CNGB3: variants seen among roughly 807,000 people sequenced by gnomAD.
CNGB3 encodes the protein cyclic nucleotide gated channel subunit beta 3.
CNGB3 carries 86 observed loss-of-function variants against 92.8 expected under a neutral mutation model. The observed-to-expected ratio is 0.93, with a 90% CI of 0.78 to 1.11. The LOEUF (loss-of-function observed/expected upper bound fraction) is 1.11, where lower values mean the gene tolerates loss of function less well. Among genes scored for constraint, CNGB3 ranks in the 50% least tolerant of loss-of-function variants. The pLI, the probability that CNGB3 is intolerant of heterozygous loss-of-function variation, is 0.00. For synonymous variants in CNGB3, 333 were observed against 332.7 expected (o/e 1.00, Z -0.01); for missense variants, 1,026 against 956.8 (o/e 1.07, Z -0.95).
chr8:86,576,159 G>A (rs1821658325), intron 17 of CNGB3, 29 bp from the exon 18 acceptor site: 1 of 1,597,850 alleles, frequency 6.3e-7, no homozygotes, highest in Non-Finnish European at 8.5e-7. Flanking sequence ...AAGAACTGGT[G>A]TTGAAATCGT....
At chr8:86,577,327 T>C (rs993131575) in intron 17 of CNGB3, among the ~76,000 whole-genome samples, 8 of 152,234 alleles carry the variant, frequency 5.3e-5, no homozygotes, top group Non-Finnish European at 1.2e-4. Context: ...TTGGATGAAA[T>C]TTACAAAGTT....
At chr8:86,722,841 A>G (rs932510970) in intron 3 of CNGB3, among the ~76,000 whole-genome samples, 2 of 151,962 alleles carry the variant, frequency 1.3e-5, no homozygotes, top group African/African-American at 4.8e-5. Context: ...AACTTATAAC[A>G]TTGGCTCTTC....
At chr8:86,621,294 T>G (rs1822721952) in intron 13 of CNGB3, among the ~76,000 whole-genome samples, 1 of 152,250 alleles carries the variant, frequency 6.6e-6, no homozygotes, top group African/African-American at 2.4e-5. Context: ...TTTAGCTTAG[T>G]GACTTTCATA....
At chr8:86,635,826 AT>A (rs1823053965) in intron 10 of CNGB3, among the ~76,000 whole-genome samples, 1 of 41,322 alleles carries the variant, frequency 2.4e-5, no homozygotes, top group Admixed American at 2.8e-4. Flanking sequence ...CACATGATAT[AT>A]ATATATATAT....
intron 3 of CNGB3, chr8:86,704,002 G>T (rs557224906): frequency 6.6e-5 from 10 of 152,264 alleles, no homozygotes; most frequent in Non-Finnish European, 1.3e-4. Flanking sequence ...TGATGTAGAG[G>T]TTAGGGGCAC....
At chr8:86,724,914 G>T (rs1326712777) in intron 3 of CNGB3, among the ~76,000 whole-genome samples, 1 of 152,044 alleles carries the variant, frequency 6.6e-6, no homozygotes, top group Non-Finnish European at 1.5e-5. Context: ...TGTTGGGAGA[G>T]GACAAAGTAA....
chr8:86,707,639 T>C (rs2131654613), intron 3 of CNGB3: 1 of 152,386 alleles, frequency 6.6e-6, no homozygotes, highest in East Asian at 1.9e-4. Flanking sequence ...CGGCATGAGA[T>C]GGGAAACCAC....
intron 6 of CNGB3, among the ~76,000 whole-genome samples, chr8:86,665,998 G>A (rs1315610116): frequency 6.6e-6 from 1 of 152,178 alleles, no homozygotes; most frequent in East Asian, 1.9e-4. Flanking sequence ...ACTACATGGA[G>A]GCACTTCACT....
At chr8:86,641,046 T>G (rs1033211062) in intron 10 of CNGB3, among the ~76,000 whole-genome samples, 3 of 152,026 alleles carry the variant, frequency 2.0e-5, no homozygotes, top group Non-Finnish European at 2.9e-5. Context: ...GTAAAGAAAC[T>G]GGCCCAAATC....
Position 86,626,044 on chromosome 8 carries a change from AC to A in CNGB3, c.1516del (p.Val506SerfsTer3), listed in dbSNP as rs768735888. Reference sequence around the variant, plus strand: ...CACATCAATGGCGAGGGCTAACTGGACCGTAGTTGGTAGGGTCTTAAGCAAA... The same window carrying A: ...CACATCAATGGCGAGGGCTAACTGGACGTAGTTGGTAGGGTCTTAAGCAAA... Reference protein sequence around the residue: ...SDLLKTLPTTVQLALAIDVNF... With the variant: ...SDLLKTLPTTXQLALAIDVNF... On this transcript the variant is annotated frameshift_variant, in exon 13 of 18. Coordinates refer to ENST00000320005, the MANE Select transcript of CNGB3 (RefSeq NM_019098.5). LOFTEE classifies it high-confidence loss of function. 3.1e-6 allele frequency: 5 copies of A among 1,613,808 alleles called. No individual in the cohort carries two copies. The South Asian group carries it at 5.5e-5, about 18-fold the overall frequency.
intron 13 of CNGB3, among the ~76,000 whole-genome samples, chr8:86,621,028 A>G (rs532204537): frequency 6.6e-6 from 1 of 152,364 alleles, no homozygotes; most frequent in East Asian, 1.9e-4. Context: ...CAAGATGTGA[A>G]GATTTAACCT....
chr8:86,665,738 A>G (rs1823729323), intron 6 of CNGB3, among the ~76,000 whole-genome samples: 1 of 152,182 alleles, frequency 6.6e-6, no homozygotes, highest in South Asian at 2.1e-4. Context: ...GGGGATGACT[A>G]GAGGGAGGAG....
chr8:86,701,703 C>T (rs1240132935), intron 3 of CNGB3, among the ~76,000 whole-genome samples: 1 of 152,122 alleles, frequency 6.6e-6, no homozygotes, highest in East Asian at 1.9e-4. Context: ...TGGACAATCA[C>T]TATTATACTA....
chr8:86,597,319 T>C lies in CNGB3; in HGVS notation c.1781+6774A>G, dbSNP rs564556290. On this transcript the variant is annotated intron_variant, in intron 15 of 17. Coordinates refer to ENST00000320005, the MANE Select transcript of CNGB3 (RefSeq NM_019098.5). ...AGAAGTGGAGTGAGAACTGGGTTCC[T>C]GCCCTCCCGGTTCCTCTTTGGACAT... 1.1e-4 allele frequency among the ~76,000 whole-genome samples: 17 copies of C among 152,316 alleles called. No homozygotes were observed. In the South Asian group the frequency reaches 3.5e-3, roughly 32 times the overall value.
chr8:86,711,278 A>T (rs1158169383), intron 3 of CNGB3, among the ~76,000 whole-genome samples: 1 of 152,000 alleles, frequency 6.6e-6, no homozygotes, highest in Non-Finnish European at 1.5e-5. Context: ...AATGTGCTTT[A>T]TTCATGGATT....
intron 13 of CNGB3, among the ~76,000 whole-genome samples, chr8:86,619,632 G>A (rs1385693123): frequency 1.3e-5 from 2 of 150,960 alleles, no homozygotes; most frequent in Admixed American, 1.3e-4. Context: ...CCTTTTCTTA[G>A]CAGGAAAGTA....
intron 11 of CNGB3, among the ~76,000 whole-genome samples, chr8:86,629,882 A>G (rs1822927264): frequency 6.6e-6 from 1 of 152,188 alleles, no homozygotes; most frequent in African/African-American, 2.4e-5. Flanking sequence ...ACATAGAGGG[A>G]GGCAAGTGGC....
At chr8:86,588,550 G>T (rs1192681301) in intron 15 of CNGB3, among the ~76,000 whole-genome samples, 1 of 150,938 alleles carries the variant, frequency 6.6e-6, no homozygotes, top group South Asian at 2.1e-4. Flanking sequence ...TAGCATGAAG[G>T]TTGTTGAATT....
chr8:86,637,973 C>T (rs918955501), intron 10 of CNGB3, among the ~76,000 whole-genome samples: 4 of 152,064 alleles, frequency 2.6e-5, no homozygotes, highest in Non-Finnish European at 4.4e-5. Context: ...TAAATGAAAT[C>T]GTACAGTATA....
Sources: gnomAD v4.1 joint callset for allele counts (sites outside exome capture counted in the v4.1 genomes callset) on GRCh38, gnomAD v4.1.1 for gene constraint, MANE v1.5 for transcripts, NCBI Gene and HGNC (gene_info 2026-07-23, HGNC 2026-07-21) for gene names.